The following TMTC4 variants were observed in gnomAD, a reference collection of about 807,000 sequenced individuals.
TMTC4 encodes protein O-mannosyl-transferase TMTC4.
TMTC4 carries 65 observed loss-of-function variants against 86.0 expected under a neutral mutation model. That is an observed-to-expected ratio of 0.76 (90% CI 0.62 to 0.93). The LOEUF is 0.93. Ranked by LOEUF, TMTC4 falls within the 40% of genes least tolerant of loss-of-function variation. TMTC4 has a pLI of 0.00. For missense variants in TMTC4, 866 were observed against 948.1 expected (o/e 0.91, Z 1.14); for synonymous variants, 379 against 382.5 (o/e 0.99, Z 0.11).
chr13:100,624,317 G>A (rs1252266557), intron 15 of TMTC4: 3 of 149,720 alleles, frequency 2.0e-5, no homozygotes, highest in African/African-American at 7.4e-5. Context: ...ACTCCAGCTT[G>A]GGTGACAGAG....
intron 7 of TMTC4, among the ~76,000 whole-genome samples, chr13:100,640,378 A>C (rs1882857203): frequency 6.6e-6 from 1 of 152,222 alleles, no homozygotes; most frequent in Admixed American, 6.5e-5. Context: ...AAATTAAAAA[A>C]AAATTAACTC....
intron 6 of TMTC4, among the ~76,000 whole-genome samples, chr13:100,647,424 T>C (rs572510979): frequency 4.4e-4 from 65 of 146,894 alleles, no homozygotes; most frequent in African/African-American, 1.6e-3. Flanking sequence ...CCCCACCCCA[T>C]CCCATCCCAC....
chr13:100,664,725 G>A (rs1886203982), intron 3 of TMTC4, among the ~76,000 whole-genome samples: 1 of 152,126 alleles, frequency 6.6e-6, no homozygotes, highest in Non-Finnish European at 1.5e-5. Flanking sequence ...CCAGCTGCCT[G>A]GCTCTGCCCT....
chr13:100,632,069 T>A (rs1362540679), intron 12 of TMTC4, among the ~76,000 whole-genome samples: 19 of 142,112 alleles, frequency 1.3e-4, no homozygotes, highest in Admixed American at 4.2e-4. Context: ...TCTCTCTCTC[T>A]CTCTCTCTCT....
At chr13:100,668,497 A>C (rs1886668073) in intron 3 of TMTC4, 82 bp downstream of exon 3, 1 of 1,401,944 alleles carries the variant, frequency 7.1e-7, no homozygotes, top group Non-Finnish European at 9.9e-7. Flanking sequence ...CATTCCACAG[A>C]GAACAATGCA....
In TMTC4 at chr13:100,664,235, G is replaced by A. The variant is rs780000113; in HGVS notation, c.321C>T (p.Thr107=). 6.8e-6 allele frequency: 11 copies of A among 1,610,714 alleles called. No homozygotes were observed. The highest frequency in any genetic ancestry group is 2.7e-5 in the African/African-American group (2 of 74,872). Reference sequence around the variant, plus strand: ...TCACAGCTTACCTGAAAGTCAGGACGGTGAGAGGCCGGTAGGACTTGTGGC... The same window carrying A: ...TCACAGCTTACCTGAAAGTCAGGACAGTGAGAGGCCGGTAGGACTTGTGGC... ...NTSHKSYRPL[T]VLTFRINYYL... is the part of the protein sequence containing the mutation. Residue 107 remains threonine, a synonymous_variant, in exon 4 of 19, where the codon ACC becomes ACT. Transcript: ENST00000342624.
At chr13:100,628,123 G>A (rs1332624549) in intron 12 of TMTC4, among the ~76,000 whole-genome samples, 1 of 152,144 alleles carries the variant, frequency 6.6e-6, no homozygotes, top group Non-Finnish European at 1.5e-5. Flanking sequence ...AGGGGTACAG[G>A]ATAGGCTGAC....
intron 6 of TMTC4, among the ~76,000 whole-genome samples, chr13:100,654,857 G>C (rs1884883963): frequency 6.6e-6 from 1 of 151,982 alleles, no homozygotes; most frequent in African/African-American, 2.4e-5. Flanking sequence ...AATCTATCAA[G>C]GTTTAGTACT....
chr13:100,674,046 T>C (rs980791190), intron 1 of TMTC4: 2 of 985,064 alleles, frequency 2.0e-6, no homozygotes, highest in East Asian at 1.1e-4. Context: ...ACGCAGCCCA[T>C]AGCCACAACA....
chr13:100,672,468 G>C (rs1200128144), intron 1 of TMTC4, among the ~76,000 whole-genome samples: 1 of 152,188 alleles, frequency 6.6e-6, no homozygotes, highest in Non-Finnish European at 1.5e-5. Flanking sequence ...AGGTGGCAGA[G>C]ACGGGGGACC....
At chr13:100,634,661 A>T in intron 12 of TMTC4, 144 bp downstream of exon 12, 1 of 1,060,934 alleles carries the variant, frequency 9.4e-7, no homozygotes, top group Non-Finnish European at 1.3e-6. Flanking sequence ...CATTAAAAAA[A>T]ACCATACATA....
At chr13:100,674,070 A>G (rs544974097) in intron 1 of TMTC4, 1 of 985,046 alleles carries the variant, frequency 1.0e-6, no homozygotes, top group Admixed American at 6.2e-5. Context: ...ACAAGACCAG[A>G]AGCCCCGCAG....
chr13:100,617,718 T>C lies in TMTC4; in HGVS notation c.1837-3288A>G, dbSNP rs1231165375. Among the ~76,000 whole-genome samples the C allele has an allele frequency of 2.0e-5, 3 of 152,366 alleles. No homozygotes were observed. The East Asian group carries it at 5.8e-4, about 29-fold the overall frequency. ...TGTGTCTGTTTTTGCACCAGTACCA[T>C]ACTGTTTTGGTTACTGTGGCCTTAC... On this transcript the variant is annotated intron_variant, in intron 15 of 18. Coordinates refer to ENST00000342624, the MANE Select transcript of TMTC4 (RefSeq NM_032813.5).
rs2139031837 is a variant in TMTC4, at chr13:100,662,987, C to G, written c.529G>C (p.Val177Leu). Reference sequence around the variant, plus strand: ...ACACACTCGGTGTGCACAGGATGGACAGCAAACAGCAGCGCGGCCAGCAGG... The same window carrying G: ...ACACACTCGGTGTGCACAGGATGGAGAGCAAACAGCAGCGCGGCCAGCAGG... Reference protein sequence around the residue: ...ASLLAALLFAVHPVHTECVAG... With the variant: ...ASLLAALLFALHPVHTECVAG... Residue 177 changes from valine (V) to leucine (L), a missense_variant, in exon 5 of 19, where the codon GTC becomes CTC. Physicochemically the swap from Val to Leu is conservative, Grantham distance 32. Coordinates refer to ENST00000342624, the MANE Select transcript of TMTC4 (RefSeq NM_032813.5). 5 of 1,614,028 alleles carry G rather than the reference C, an allele frequency of 3.1e-6. No homozygotes were observed. Among genetic ancestry groups the G allele is most frequent in the African/African-American group, 2.7e-5 (2 of 75,046 alleles).
Position 100,670,478 on chromosome 13 carries a change from T to C in TMTC4, c.-116A>G, listed in dbSNP as rs1006181042. Reference sequence around the variant, plus strand: ...GTCTCTCGAGCCTCACAGCCTGGCATACGGCATGCTCTCAGCAAGTGCTGG... The same window carrying C: ...GTCTCTCGAGCCTCACAGCCTGGCACACGGCATGCTCTCAGCAAGTGCTGG... On this transcript the variant is annotated 5_prime_UTR_variant, in exon 2 of 19. The change abolishes an upstream ATG in the 5' untranslated region. Transcript: ENST00000342624. 7.3e-6 allele frequency: 8 copies of C among 1,095,972 alleles called. No individual in the cohort carries two copies. In the African/African-American group the frequency reaches 8.0e-5, roughly 11 times the overall value. 67.9% of individuals were successfully genotyped at this position (1,095,972 alleles called of 1,614,324 possible). A position where few individuals can be genotyped will look rare whatever the true frequency, so the allele number is the denominator to read the frequency against.
intron 17 of TMTC4, among the ~76,000 whole-genome samples, chr13:100,609,266 G>T (rs1877168792): frequency 6.6e-6 from 1 of 152,136 alleles, no homozygotes; most frequent in Non-Finnish European, 1.5e-5. Context: ...GATTTAGTAT[G>T]ATTATTTCAC....
At position 100,670,391 on chromosome 13, in the gene TMTC4, G is replaced by T; in HGVS notation, c.-29C>A. On this transcript the variant is annotated 5_prime_UTR_variant, in exon 2 of 19. Transcript: ENST00000342624. Reference sequence around the variant, plus strand: ...ATGGTGATGCTGTCCCCTTCCAGGGGCCAGAAGGAGGCTCAGATTTACAAT... The same window carrying T: ...ATGGTGATGCTGTCCCCTTCCAGGGTCCAGAAGGAGGCTCAGATTTACAAT... 1 of 1,599,912 alleles carries T rather than the reference G, an allele frequency of 6.3e-7. No homozygotes were observed. Among genetic ancestry groups the T allele is most frequent in the Non-Finnish European group, 8.5e-7 (1 of 1,175,070 alleles).
At chr13:100,655,697 T>C (rs775489847) in intron 6 of TMTC4, among the ~76,000 whole-genome samples, 6 of 152,214 alleles carry the variant, frequency 3.9e-5, no homozygotes, top group Non-Finnish European at 8.8e-5. Context: ...CTTGAAGGTG[T>C]TCTGCTCAGC....
At position 100,674,745 on chromosome 13, in the gene TMTC4, T is replaced by C; in HGVS notation, c.-209A>G. 1.0e-6 allele frequency: 1 copy of C among 983,340 alleles called. No homozygotes were observed. Among genetic ancestry groups the C allele is most frequent in the Non-Finnish European group, 1.2e-6 (1 of 829,146 alleles). 60.9% of individuals were successfully genotyped at this position (983,340 alleles called of 1,614,324 possible). A position where few individuals can be genotyped will look rare whatever the true frequency, so the allele number is the denominator to read the frequency against. On this transcript the variant is annotated splice_region_variant and 5_prime_UTR_variant, in exon 1 of 19. Transcript: ENST00000342624. ...TGCAGGGGCCGCCCCGCGCGTTACC[T>C]GCAAGGAGCCTGAGCCCCGGCCGCA...
Sources: allele counts gnomAD v4.1 joint callset (sites outside exome capture counted in the v4.1 genomes callset), GRCh38; gene constraint gnomAD v4.1.1; transcripts MANE v1.5; gene names NCBI Gene and HGNC (gene_info 2026-07-23, HGNC 2026-07-21).